STK38: variants seen among roughly 807,000 people sequenced by gnomAD.
STK38 encodes serine/threonine kinase 38.
In STK38, 26 loss-of-function variants were observed where a neutral mutation model predicts 59.0. The ratio of observed to expected loss-of-function variants is 0.44; its 90% confidence interval spans 0.32 to 0.61. The LOEUF is 0.61. STK38 is among the 20% of genes least tolerant of loss of function. The probability of loss-of-function intolerance (pLI) is 0.04; values close to 1 mark genes in which losing one functional copy is unlikely to be tolerated. For synonymous variants in STK38, 175 were observed against 176.6 expected (o/e 0.99, Z 0.07); for missense variants, 433 against 566.0 (o/e 0.76, Z 2.38).
At chr6:36,513,951 C>T (rs189806905) in intron 7 of STK38, among the ~76,000 whole-genome samples, 5 of 149,566 alleles carry the variant, frequency 3.3e-5, no homozygotes, top group Admixed American at 6.7e-5. Context: ...GTCAGGAGAT[C>T]GAGACCATCA....
intron 7 of STK38, among the ~76,000 whole-genome samples, chr6:36,508,077 T>G (rs11756413): frequency 0.24 from 35,894 of 151,544 alleles, 4,475 homozygotes; most frequent in East Asian, 0.39. Flanking sequence ...GGGACCTCAG[T>G]TGTGTGCCAC....
chr6:36,503,450 T>TGTG (rs560345828), intron 9 of STK38, among the ~76,000 whole-genome samples: 20 of 131,340 alleles, frequency 1.5e-4, no homozygotes, highest in African/African-American at 5.6e-4. Flanking sequence ...GTGTGTGTGT[T>TGTG]TGTGTGTGTA....
At chr6:36,502,345 G>T (rs1776860455) in intron 9 of STK38, among the ~76,000 whole-genome samples, 1 of 152,100 alleles carries the variant, frequency 6.6e-6, no homozygotes, top group Non-Finnish European at 1.5e-5. Flanking sequence ...TTCAAGTAGG[G>T]TTGAGCACAT....
At chr6:36,522,356 G>A (rs2267928) in intron 4 of STK38, 36,053 of 152,266 alleles carry the variant, frequency 0.24, 4,502 homozygotes, top group East Asian at 0.39. Context: ...GGCAGAGGGG[G>A]GGCCCACCAG....
chr6:36,498,068 T>G (rs566722491), intron 11 of STK38, among the ~76,000 whole-genome samples, 193 bp from the exon 12 acceptor site: 14 of 151,550 alleles, frequency 9.2e-5, no homozygotes, highest in African/African-American at 3.2e-4. Flanking sequence ...GCCTCCCAAG[T>G]GGCTGGGACC....
Position 36,494,197 on chromosome 6 carries a change from CT to C in STK38, c.*1586del, listed in dbSNP as rs145549266. The stretch of plus-strand genomic sequence containing the variant: ...CATCCAGAGTTGACACTTCCCTAAC[CT>C]TTTTTCTTCCTCTAAGAGGTTAAAA... On this transcript the variant is annotated 3_prime_UTR_variant, in exon 14 of 14. Coordinates refer to ENST00000229812, the MANE Select transcript of STK38 (RefSeq NM_007271.4). 8,786 of 152,552 alleles carry C rather than the reference CT, an allele frequency of 0.058. 343 individuals carry two copies. The highest frequency in any genetic ancestry group is 0.14 in the South Asian group (693 of 4,826). 9.4% of individuals were successfully genotyped at this position (152,552 alleles called of 1,614,324 possible).
chr6:36,519,173 G>A (rs2127477974), intron 5 of STK38, among the ~76,000 whole-genome samples: 1 of 152,302 alleles, frequency 6.6e-6, no homozygotes, highest in Non-Finnish European at 1.5e-5. Flanking sequence ...AGCTGCAACT[G>A]TACAGAAAAC....
intron 7 of STK38, among the ~76,000 whole-genome samples, chr6:36,510,877 G>A (rs746949649): frequency 2.0e-5 from 3 of 152,174 alleles, no homozygotes; most frequent in Non-Finnish European, 2.9e-5. Flanking sequence ...TATCTCATCT[G>A]GAAAATGAGA....
In STK38 at chr6:36,497,890, G is replaced by C. The variant is rs1290380329; in HGVS notation, c.1077-15C>G. On this transcript the variant is annotated splice_polypyrimidine_tract_variant and intron_variant, in intron 11 of 13. Coordinates refer to ENST00000229812, the MANE Select transcript of STK38 (RefSeq NM_007271.4). The stretch of plus-strand genomic sequence containing the variant: ...CACAGCAGAACCTGGAAAAGACAGA[G>C]GCCTTTCAGCACATCTCAAGCAGTC... The C allele has an allele frequency of 1.3e-6, 2 of 1,588,048 alleles. No homozygotes were observed. Among genetic ancestry groups the C allele is most frequent in the South Asian group, 2.3e-5 (2 of 88,534 alleles).
intron 4 of STK38, among the ~76,000 whole-genome samples, chr6:36,523,888 C>A (rs1409096253): frequency 1.3e-5 from 2 of 152,162 alleles, no homozygotes; most frequent in Non-Finnish European, 2.9e-5. Context: ...TCTCGAGAGG[C>A]AGTGCAGTAC....
chr6:36,545,085 T>G (rs12209196), intron 1 of STK38, among the ~76,000 whole-genome samples: 36,099 of 151,250 alleles, frequency 0.24, 4,530 homozygotes, highest in East Asian at 0.39. Flanking sequence ...AAGTCAGGAG[T>G]TGGAGACTAG....
chr6:36,502,248 T>C (rs2127468204), intron 9 of STK38, among the ~76,000 whole-genome samples: 1 of 152,312 alleles, frequency 6.6e-6, no homozygotes, highest in Admixed American at 6.5e-5. Context: ...CCTCAAGGGA[T>C]TCTCCTGCCT....
In STK38 at chr6:36,521,718, T is replaced by A. The variant is rs780395358; in HGVS notation, c.390+16A>T. Reference sequence around the variant, plus strand: ...AAAATTAATAAGCTAAAAGCACTGCTACAACTGTGCTTTACCTGCTCTTTT... The same window carrying A: ...AAAATTAATAAGCTAAAAGCACTGCAACAACTGTGCTTTACCTGCTCTTTT... On this transcript the variant is annotated intron_variant, in intron 5 of 13. Transcript: ENST00000229812. The A allele has an allele frequency of 3.1e-6, 5 of 1,596,390 alleles. No homozygotes were observed. The South Asian group carries it at 5.7e-5, about 18-fold the overall frequency.
At chr6:36,506,816 A>G (rs375327436) in intron 8 of STK38, among the ~76,000 whole-genome samples, 172 bp from the exon 9 acceptor site, 3 of 151,784 alleles carry the variant, frequency 2.0e-5, no homozygotes, top group East Asian at 3.9e-4. Flanking sequence ...AACCCAAATC[A>G]GAGGCTGTAA....
intron 13 of STK38, among the ~76,000 whole-genome samples, chr6:36,496,271 T>G (rs1196012636): frequency 1.3e-5 from 2 of 152,050 alleles, no homozygotes; most frequent in African/African-American, 4.8e-5. Context: ...CTCGATCTCT[T>G]GACCTTGTGA....
chr6:36,506,319 G>C lies in STK38; in HGVS notation c.834+264C>G, dbSNP rs142131944. 2.0e-5 allele frequency among the ~76,000 whole-genome samples: 3 copies of C among 152,246 alleles called. No homozygotes were observed. In the East Asian group the frequency reaches 5.8e-4, roughly 29 times the overall value. Reference sequence around the variant, plus strand: ...ATGAAAATGGAGAAAAGGTGGGGCAGGAAGGAAAGGTATTGTTACCAAGCT... The same window carrying C: ...ATGAAAATGGAGAAAAGGTGGGGCACGAAGGAAAGGTATTGTTACCAAGCT... On this transcript the variant is annotated intron_variant, in intron 9 of 13. Coordinates refer to ENST00000229812, the MANE Select transcript of STK38 (RefSeq NM_007271.4).
chr6:36,525,392 G>C (rs1484239522), intron 3 of STK38, among the ~76,000 whole-genome samples, 199 bp downstream of exon 3: 1 of 152,022 alleles, frequency 6.6e-6, no homozygotes, highest in Non-Finnish European at 1.5e-5. Flanking sequence ...ACTGCATCTA[G>C]AGAAGCCTTC....
chr6:36,527,241 TAC>T, intron 2 of STK38, among the ~76,000 whole-genome samples: 1 of 144,136 alleles, frequency 6.9e-6, no homozygotes, highest in Non-Finnish European at 1.5e-5. Context: ...TATATGTATA[TAC>T]ACATGTATAC....
intron 1 of STK38, among the ~76,000 whole-genome samples, chr6:36,540,987 C>A (rs1777923314): frequency 6.6e-6 from 1 of 152,170 alleles, no homozygotes; most frequent in Admixed American, 6.5e-5. Flanking sequence ...CAACCTACAC[C>A]TCCCAGGTTC....
Sources: allele counts gnomAD v4.1 joint callset (sites outside exome capture counted in the v4.1 genomes callset), GRCh38; gene constraint gnomAD v4.1.1; transcripts MANE v1.5; gene names NCBI Gene and HGNC (gene_info 2026-07-23, HGNC 2026-07-21).